The following ESR1 variants were observed in gnomAD, a reference collection of about 807,000 sequenced individuals.
ESR1 encodes estrogen receptor 1, also known as estrogen receptor.
A neutral mutation model predicts 52.7 loss-of-function variants in ESR1; 12 were observed. That is an observed-to-expected ratio of 0.23 (90% CI 0.15 to 0.37). The LOEUF is 0.37. ESR1 is among the 10% of genes least tolerant of loss of function. ESR1 has a pLI of 1.00. For synonymous variants in ESR1, 305 were observed against 316.8 expected (o/e 0.96, Z 0.39); for missense variants, 584 against 779.7 (o/e 0.75, Z 2.99).
At chr6:152,026,478 T>C (rs2128841192) in intron 5 of ESR1, among the ~76,000 whole-genome samples, 1 of 152,158 alleles carries the variant, frequency 6.6e-6, no homozygotes, top group East Asian at 1.9e-4. Context: ...GCTTTCAGTT[T>C]CTATTTTACA....
chr6:151,840,030 T>G, intron 1 of ESR1, among the ~76,000 whole-genome samples: 1 of 152,210 alleles, frequency 6.6e-6, no homozygotes, highest in Non-Finnish European at 1.5e-5. Context: ...ACTTGACACA[T>G]TGGAACTTCT....
At chr6:151,854,755 C>A (rs1787508424) in intron 2 of ESR1, among the ~76,000 whole-genome samples, 1 of 152,036 alleles carries the variant, frequency 6.6e-6, no homozygotes, top group African/African-American at 2.4e-5. Flanking sequence ...TAAAAGAATG[C>A]CTGCATCACT....
chr6:151,942,881 A>T (rs2035241155), intron 3 of ESR1, among the ~76,000 whole-genome samples: 1 of 152,158 alleles, frequency 6.6e-6, no homozygotes, highest in Non-Finnish European at 1.5e-5. Flanking sequence ...AATATTGGAG[A>T]GATTAACTTC....
At chr6:151,953,289 C>T (rs574483907) in intron 4 of ESR1, among the ~76,000 whole-genome samples, 99 of 152,306 alleles carry the variant, frequency 6.5e-4, no homozygotes, top group African/African-American at 2.2e-3. Flanking sequence ...AAAGTTCGAA[C>T]TTTGCTGCCT....
At chr6:151,734,762 A>G (rs1168665408) in intron 2 of ESR1, among the ~76,000 whole-genome samples, 1 of 152,012 alleles carries the variant, frequency 6.6e-6, no homozygotes, top group Non-Finnish European at 1.5e-5. Flanking sequence ...AGCTGGGATT[A>G]CAGGCTTGAA....
chr6:151,775,431 A>T (rs573810940), intron 2 of ESR1, among the ~76,000 whole-genome samples: 67 of 152,168 alleles, frequency 4.4e-4, no homozygotes, highest in African/African-American at 1.5e-3. Context: ...TGGATTAGGG[A>T]TACTCAACCT....
intron 4 of ESR1, among the ~76,000 whole-genome samples, chr6:151,946,454 G>A (rs1411326796): frequency 1.3e-5 from 2 of 152,020 alleles, no homozygotes; most frequent in Non-Finnish European, 2.9e-5. Flanking sequence ...CTGAATTTAG[G>A]AATAAAATGG....
At chr6:151,690,802 T>G (rs2115340779) in intron 1 of ESR1, 1 of 152,380 alleles carries the variant, frequency 6.6e-6, no homozygotes, top group South Asian at 2.1e-4. Flanking sequence ...GCTCCAAGGA[T>G]ATTTTGCAAA....
intron 2 of ESR1, among the ~76,000 whole-genome samples, chr6:151,760,223 A>G (rs780526807): frequency 2.0e-5 from 3 of 152,150 alleles, no homozygotes; most frequent in Non-Finnish European, 2.9e-5. Flanking sequence ...TTAGTGGGTC[A>G]CTTTAACCTC....
At chr6:152,109,597 A>T (rs1353703145) in intron 6 of ESR1, among the ~76,000 whole-genome samples, 1 of 152,126 alleles carries the variant, frequency 6.6e-6, no homozygotes, top group East Asian at 1.9e-4. Context: ...GAGTCAGGAG[A>T]ATCACTTGAA....
chr6:151,779,346 G>A (rs974833522), intron 2 of ESR1, among the ~76,000 whole-genome samples: 10 of 152,056 alleles, frequency 6.6e-5, no homozygotes, highest in Admixed American at 2.6e-4. Flanking sequence ...TTATTAAACG[G>A]GGAATCCTTT....
chr6:151,979,999 T>C (rs2039837480), intron 4 of ESR1, among the ~76,000 whole-genome samples: 1 of 152,216 alleles, frequency 6.6e-6, no homozygotes, highest in Non-Finnish European at 1.5e-5. Flanking sequence ...TGCCTAGCTA[T>C]TTGCATGTAT....
intron 3 of ESR1, among the ~76,000 whole-genome samples, chr6:151,917,763 C>T (rs1048576064): frequency 1.3e-5 from 2 of 152,126 alleles, no homozygotes; most frequent in African/African-American, 4.8e-5. Flanking sequence ...TCCTTGGTTG[C>T]TTCGGCTAAA....
At chr6:151,755,821 G>T (rs1784242023) in intron 2 of ESR1, among the ~76,000 whole-genome samples, 1 of 151,924 alleles carries the variant, frequency 6.6e-6, no homozygotes, top group African/African-American at 2.4e-5. Context: ...AGTAGCGAAG[G>T]GGTTTCGCCA....
intron 5 of ESR1, among the ~76,000 whole-genome samples, chr6:152,030,741 T>A (rs1380170295): frequency 1.3e-5 from 2 of 151,678 alleles, no homozygotes; most frequent in African/African-American, 4.9e-5. Flanking sequence ...AGACAGAAAA[T>A]TAACAAGGAT....
intron 5 of ESR1, among the ~76,000 whole-genome samples, chr6:152,035,883 T>C (rs935006518): frequency 2.6e-5 from 4 of 152,156 alleles, no homozygotes; most frequent in African/African-American, 9.7e-5. Flanking sequence ...TTAATCCTTC[T>C]TTACTCTATG....
At chr6:151,988,666 C>G (rs1043764971) in intron 4 of ESR1, among the ~76,000 whole-genome samples, 22 of 152,104 alleles carry the variant, frequency 1.4e-4, no homozygotes, top group African/African-American at 5.1e-4. Flanking sequence ...ATCTATACAA[C>G]AAACCCCCAT....
At chr6:151,668,512 T>C (rs980190447) in intron 1 of ESR1, among the ~76,000 whole-genome samples, 1 of 152,166 alleles carries the variant, frequency 6.6e-6, no homozygotes, top group Admixed American at 6.5e-5. Context: ...CTTGATCTCC[T>C]GACCTCGTGA....
At chr6:151,981,745 T>G (rs1396324753) in intron 4 of ESR1, among the ~76,000 whole-genome samples, 1 of 152,224 alleles carries the variant, frequency 6.6e-6, no homozygotes, top group East Asian at 1.9e-4. Flanking sequence ...ATATTGAACT[T>G]TAGAAATTCA....
Sources: gnomAD v4.1 joint callset for allele counts (sites outside exome capture counted in the v4.1 genomes callset) on GRCh38, gnomAD v4.1.1 for gene constraint, MANE v1.5 for transcripts, NCBI Gene and HGNC (gene_info 2026-07-23, HGNC 2026-07-21) for gene names.